The following ARAP2 variants were observed in gnomAD, a reference collection of about 807,000 sequenced individuals.
ARAP2 encodes the protein ArfGAP with RhoGAP domain, ankyrin repeat and PH domain 2.
In ARAP2, 148 loss-of-function variants were observed where a neutral mutation model predicts 194.5. That is an observed-to-expected ratio of 0.76 (90% CI 0.67 to 0.87). ARAP2 has a LOEUF of 0.87. Ranked by LOEUF, ARAP2 falls within the 40% of genes least tolerant of loss-of-function variation. The pLI, the probability that ARAP2 is intolerant of heterozygous loss-of-function variation, is 0.00. For synonymous variants in ARAP2, 695 were observed against 683.5 expected (o/e 1.02, Z -0.26); for missense variants, 2,128 against 1,989.7 (o/e 1.07, Z -1.32).
chr4:36,005,479 T>C (rs1713096221), intron 10 of ARAP2: 1 of 152,158 alleles, frequency 6.6e-6, no homozygotes, highest in East Asian at 1.9e-4. Flanking sequence ...CTAAGTCACA[T>C]TGTTCCAAAA....
chr4:36,112,911 T>G (rs73225578), intron 26 of ARAP2, among the ~76,000 whole-genome samples: 45,760 of 151,486 alleles, frequency 0.3, 8,165 homozygotes, highest in East Asian at 0.47. Context: ...GCACAAAAAA[T>G]AGAAGAGATT....
In ARAP2 at chr4:36,058,949, G is replaced by C. The variant is rs143461916; in HGVS notation, n.148-806C>G. ...TGCCTGGCAAGGAGACATTCAAGGT[G>C]GTCAACATGTAGTTAACAGAGTGAT... On this transcript the variant is annotated intron_variant and non_coding_transcript_variant, in intron 1 of 12. Coordinates refer to the ARAP2 transcript ENST00000503225. Among the ~76,000 whole-genome samples the C allele has an allele frequency of 2.0e-5, 3 of 152,186 alleles. No individual in the cohort carries two copies. The East Asian group carries it at 5.8e-4, about 29-fold the overall frequency.
rs141416047 is a variant in ARAP2 at position 36,227,396 on chromosome 4, G to A, written c.905+1186C>T. On this transcript the variant is annotated intron_variant, in intron 2 of 32. Coordinates refer to ENST00000303965, the MANE Select transcript of ARAP2 (RefSeq NM_015230.4). ...TACCAGACTTTGCTACTGGCACTAG[G>A]GATGTCAAGATAAAGACAAATTAAT... 2.6e-5 allele frequency among the ~76,000 whole-genome samples: 4 copies of A among 152,260 alleles called. No homozygotes were observed. In the East Asian group the frequency reaches 5.8e-4, roughly 22 times the overall value.
intron 1 of ARAP2, among the ~76,000 whole-genome samples, chr4:36,235,896 G>A (rs1353552457): frequency 6.6e-6 from 1 of 152,192 alleles, no homozygotes. Context: ...GTTGGGCCAG[G>A]CCGGGTGAGG....
chr4:36,161,149 AC>A (rs1184540516), intron 12 of ARAP2, among the ~76,000 whole-genome samples: 2 of 16,558 alleles, frequency 1.2e-4, no homozygotes, highest in African/African-American at 2.0e-3. Context: ...ACACACAAAC[AC>A]ACACACACAC....
intron 8 of ARAP2, among the ~76,000 whole-genome samples, chr4:36,180,394 T>G (rs1448006792): frequency 6.6e-6 from 1 of 152,224 alleles, no homozygotes; most frequent in Non-Finnish European, 1.5e-5. Flanking sequence ...AATATTCAAG[T>G]AGCTAAGTCA....
At chr4:36,006,279 G>A (rs1240286175) in intron 10 of ARAP2, 1 of 152,194 alleles carries the variant, frequency 6.6e-6, no homozygotes, top group East Asian at 1.9e-4. Flanking sequence ...GGACAGCTAA[G>A]GAAGAAGTTT....
intron 5 of ARAP2, among the ~76,000 whole-genome samples, chr4:36,020,285 G>C (rs957118554): frequency 2.0e-5 from 3 of 152,112 alleles, no homozygotes; most frequent in Non-Finnish European, 4.4e-5. Flanking sequence ...TTGGTGGATG[G>C]CTGTAATCCC....
intron 5 of ARAP2, among the ~76,000 whole-genome samples, chr4:36,042,843 CTTCT>C (rs1279558468): frequency 6.0e-5 from 9 of 149,242 alleles, no homozygotes; most frequent in Admixed American, 4.0e-4. Context: ...GCGTTTTTTT[CTTCT>C]TTTTTTTTTT....
intron 4 of ARAP2, among the ~76,000 whole-genome samples, chr4:36,046,369 T>C (rs1269043940): frequency 6.6e-6 from 1 of 152,138 alleles, no homozygotes; most frequent in East Asian, 1.9e-4. Context: ...TGTTGTTTTT[T>C]GTACAGATAA....
intron 15 of ARAP2, among the ~76,000 whole-genome samples, chr4:36,151,867 A>C (rs1196923558): frequency 6.6e-6 from 1 of 152,178 alleles, no homozygotes. Flanking sequence ...GCAAATGTAA[A>C]ATGCTAATAA....
At chr4:36,195,013 A>G (rs1195193299) in intron 6 of ARAP2, among the ~76,000 whole-genome samples, 1 of 152,064 alleles carries the variant, frequency 6.6e-6, no homozygotes, top group Non-Finnish European at 1.5e-5. Context: ...CAGGAAAAAA[A>G]AAAATAGCCA....
chr4:36,222,845 A>C (rs2109316801), intron 2 of ARAP2, among the ~76,000 whole-genome samples: 1 of 152,186 alleles, frequency 6.6e-6, no homozygotes, highest in South Asian at 2.1e-4. Flanking sequence ...TGGCTTTCAA[A>C]CCATTTTTTA....
intron 1 of ARAP2, among the ~76,000 whole-genome samples, chr4:36,230,593 G>T (rs34680259): frequency 0.064 from 9,691 of 152,198 alleles, 424 homozygotes; most frequent in Non-Finnish European, 0.098. Flanking sequence ...TTTTTTAAAA[G>T]TCCATTTTTC....
intron 5 of ARAP2, among the ~76,000 whole-genome samples, chr4:36,028,121 G>A (rs957383596): frequency 4.6e-5 from 7 of 152,038 alleles, no homozygotes; most frequent in South Asian, 2.1e-4. Flanking sequence ...AATTTTACTC[G>A]CTAATGTTTT....
At chr4:36,128,971 C>T (rs1724698794) in intron 20 of ARAP2, among the ~76,000 whole-genome samples, 1 of 151,848 alleles carries the variant, frequency 6.6e-6, no homozygotes, top group African/African-American at 2.4e-5. Flanking sequence ...TTTGGCAAGC[C>T]CCTGATCAGT....
At chr4:36,169,533 T>G (rs1462910141) in intron 9 of ARAP2, among the ~76,000 whole-genome samples, 1 of 60,242 alleles carries the variant, frequency 1.7e-5, no homozygotes, top group African/African-American at 4.2e-5. Context: ...CAAAGATGAC[T>G]TTTTTTTTTT....
chr4:36,193,086 C>T (rs568165728), intron 7 of ARAP2, among the ~76,000 whole-genome samples: 1 of 152,332 alleles, frequency 6.6e-6, no homozygotes, highest in African/African-American at 2.4e-5. Flanking sequence ...CGATTTGATG[C>T]TCTGAGTCAC....
At chr4:36,124,478 A>G (rs1441270914) in intron 22 of ARAP2, among the ~76,000 whole-genome samples, 1 of 151,886 alleles carries the variant, frequency 6.6e-6, no homozygotes, top group Non-Finnish European at 1.5e-5. Flanking sequence ...TCCTCACTGG[A>G]TCAATAGCCT....
Sources: gnomAD v4.1 joint callset for allele counts (sites outside exome capture counted in the v4.1 genomes callset) on GRCh38, gnomAD v4.1.1 for gene constraint, MANE v1.5 for transcripts, NCBI Gene and HGNC (gene_info 2026-07-23, HGNC 2026-07-21) for gene names.